TENM2: variants seen among roughly 807,000 people sequenced by gnomAD.
TENM2 encodes teneurin-2.
Under a neutral mutation model 245.2 loss-of-function variants are expected in TENM2, and 52 were observed. The ratio of observed to expected loss-of-function variants is 0.21; its 90% CI spans 0.17 to 0.27. The LOEUF (loss-of-function observed/expected upper bound fraction) is 0.27. TENM2 is among the 10% of genes least tolerant of loss of function. The pLI is 1.00. For synonymous variants in TENM2, 1,363 were observed against 1,438.9 expected (o/e 0.95, Z 1.19); for missense variants, 3,046 against 3,666.8 (o/e 0.83, Z 4.37).
intron 2 of TENM2, among the ~76,000 whole-genome samples, chr5:167,755,413 A>AT (rs138368489): frequency 0.053 from 7,908 of 149,162 alleles, 425 homozygotes; most frequent in East Asian, 0.23. Context: ...GTTGATCTGA[A>AT]TTTTTTTTTT....
chr5:168,230,953 C>G (rs1260891782), intron 25 of TENM2: 1 of 152,274 alleles, frequency 6.6e-6, no homozygotes, highest in African/African-American at 2.4e-5. Context: ...ATGGGCGTAA[C>G]ACATCGCAGT....
intron 5 of TENM2, among the ~76,000 whole-genome samples, chr5:168,009,690 C>T (rs1417768589): frequency 6.6e-6 from 1 of 152,312 alleles, no homozygotes; most frequent in Admixed American, 6.5e-5. Context: ...GCCCCAAAGC[C>T]ACTTTAGTTC....
chr5:168,024,413 G>A (rs950230865), intron 5 of TENM2, among the ~76,000 whole-genome samples: 9 of 152,146 alleles, frequency 5.9e-5, no homozygotes, highest in East Asian at 1.9e-4. Context: ...TTCTGAATCC[G>A]AAATCTCAAT....
chr5:167,070,895 A>AT, the TENM2 span, among the ~76,000 whole-genome samples: 1 of 152,096 alleles, frequency 6.6e-6, no homozygotes, highest in Non-Finnish European at 1.5e-5. Context: ...AGCACCTAAC[A>AT]TTTTTCTATT....
intron 23 of TENM2, among the ~76,000 whole-genome samples, chr5:168,224,023 G>A (rs971970670): frequency 7.2e-5 from 11 of 152,008 alleles, no homozygotes; most frequent in South Asian, 2.1e-4. Flanking sequence ...CCATGTTGTC[G>A]ATCCTGATGG....
intron 17 of TENM2, among the ~76,000 whole-genome samples, chr5:168,200,917 G>A (rs1044026514): frequency 3.3e-5 from 5 of 152,176 alleles, no homozygotes; most frequent in African/African-American, 1.2e-4. Flanking sequence ...TTTAAAAACT[G>A]TAAAGATAAG....
chr5:167,872,597 T>TG (rs1773079988), intron 2 of TENM2, among the ~76,000 whole-genome samples: 1 of 151,688 alleles, frequency 6.6e-6, no homozygotes, highest in African/African-American at 2.4e-5. Flanking sequence ...TACCATTTGC[T>TG]GGGGGCAGAT....
At chr5:167,662,827 A>G (rs112269527) in intron 2 of TENM2, among the ~76,000 whole-genome samples, 7 of 152,188 alleles carry the variant, frequency 4.6e-5, no homozygotes, top group African/African-American at 1.7e-4. Context: ...AGAGCTTATC[A>G]GAAATGCAGA....
chr5:167,943,546 G>A (rs551716369), intron 3 of TENM2, among the ~76,000 whole-genome samples: 305 of 152,240 alleles, frequency 2.0e-3, no homozygotes, highest in African/African-American at 7.2e-3. Flanking sequence ...TATCTTTCAT[G>A]GGTAGGGAAA....
At chr5:167,614,257 G>A (rs577974390) in intron 2 of TENM2, among the ~76,000 whole-genome samples, 32 of 152,108 alleles carry the variant, frequency 2.1e-4, no homozygotes, top group African/African-American at 6.7e-4. Context: ...GTATGAACAC[G>A]GTAACGGAAT....
At chr5:167,205,853 C>G in the TENM2 span, among the ~76,000 whole-genome samples, 1 of 152,098 alleles carries the variant, frequency 6.6e-6, no homozygotes, top group Non-Finnish European at 1.5e-5. Context: ...AATTTAGTTC[C>G]TTGTGGTTGT....
At chr5:168,256,026 G>A (rs1299104839) in intron 27 of TENM2, among the ~76,000 whole-genome samples, 1 of 151,594 alleles carries the variant, frequency 6.6e-6, no homozygotes, top group Non-Finnish European at 1.5e-5. Flanking sequence ...GGCTGGTCTC[G>A]AACTCCTGAC....
chr5:167,583,146 A>G (rs913989806), intron 2 of TENM2, among the ~76,000 whole-genome samples: 7 of 152,188 alleles, frequency 4.6e-5, no homozygotes, highest in Non-Finnish European at 8.8e-5. Flanking sequence ...ATTTTATGCA[A>G]GAAAAAACAG....
chr5:167,531,261 C>T (rs978048611), intron 2 of TENM2, among the ~76,000 whole-genome samples: 3 of 152,144 alleles, frequency 2.0e-5, no homozygotes, highest in African/African-American at 7.2e-5. Flanking sequence ...GAACTGCAGG[C>T]TTGCTTTATT....
chr5:167,570,174 C>A (rs947765328), intron 2 of TENM2, among the ~76,000 whole-genome samples: 4 of 152,114 alleles, frequency 2.6e-5, no homozygotes, highest in African/African-American at 9.7e-5. Context: ...GGGATAGAAC[C>A]AGTGTTTACA....
chr5:167,889,099 CAAAA>C (rs992705564), intron 3 of TENM2, among the ~76,000 whole-genome samples: 1 of 151,948 alleles, frequency 6.6e-6, no homozygotes, highest in Non-Finnish European at 1.5e-5. Flanking sequence ...ACAAAACAAA[CAAAA>C]AAACCACACA....
the TENM2 span, among the ~76,000 whole-genome samples, chr5:167,243,002 T>G: frequency 6.6e-6 from 1 of 151,822 alleles, no homozygotes; most frequent in Admixed American, 6.6e-5. Flanking sequence ...GGTTTGACAT[T>G]TAACAGCAGC....
chr5:168,052,917 T>C (rs1448417556), intron 6 of TENM2, among the ~76,000 whole-genome samples: 1 of 152,214 alleles, frequency 6.6e-6, no homozygotes, highest in Non-Finnish European at 1.5e-5. Context: ...CACTTGCCCT[T>C]TCAGCAGAAA....
intron 2 of TENM2, among the ~76,000 whole-genome samples, chr5:167,651,459 C>T (rs2609852): frequency 0.16 from 24,730 of 151,276 alleles, 2,264 homozygotes; most frequent in East Asian, 0.33. Context: ...TGATTTCCTA[C>T]AAAATGAGGA....
Sources: gnomAD v4.1 joint callset for allele counts (sites outside exome capture counted in the v4.1 genomes callset) on GRCh38, gnomAD v4.1.1 for gene constraint, MANE v1.5 for transcripts, NCBI Gene and HGNC (gene_info 2026-07-23, HGNC 2026-07-21) for gene names.